LIFR: variants seen among roughly 807,000 people sequenced by gnomAD.
LIFR encodes the protein leukemia inhibitory factor receptor.
A neutral mutation model predicts 122.2 loss-of-function variants in LIFR; 84 were observed. That is an observed-to-expected ratio of 0.69 (90% CI 0.58 to 0.82). The LOEUF is 0.82. Among genes scored for constraint, LIFR ranks in the 40% least tolerant of loss-of-function variants. The pLI is 0.00. For synonymous variants in LIFR, 422 were observed against 434.7 expected (o/e 0.97, Z 0.36); for missense variants, 1,294 against 1,311.6 (o/e 0.99, Z 0.21).
In LIFR at chr5:38,527,269, T is replaced by C. The variant is rs759198703; in HGVS notation, c.283A>G (p.Lys95Glu). Residue 95 changes from lysine to glutamate, a missense_variant, in exon 4 of 20, where the codon AAA (lysine) becomes GAA (glutamate). Physicochemically the swap from Lys to Glu is moderately conservative, Grantham distance 56. Transcript: ENST00000453190. Reference protein sequence around the residue: ...NRSRSCYQLEKTSIKIPALSH... With the variant: ...NRSRSCYQLEETSIKIPALSH... ...AGAGCTGGAATTTTAATACTGGTTTTCTCCAACTGATAACAAGAACGGGAC... is the reference window on the plus strand; with the variant it reads ...AGAGCTGGAATTTTAATACTGGTTTCCTCCAACTGATAACAAGAACGGGAC... 8 of 1,592,116 alleles carry C rather than the reference T, an allele frequency of 5.0e-6. No homozygotes were observed. In the East Asian group the frequency reaches 1.8e-4, roughly 36 times the overall value.
At chr5:38,531,667 C>A (rs1447959019) in intron 1 of LIFR, among the ~76,000 whole-genome samples, 14 of 150,786 alleles carry the variant, frequency 9.3e-5, no homozygotes, top group Non-Finnish European at 1.9e-4. Flanking sequence ...TCTTTCAGAA[C>A]AAAATACAAA....
At chr5:38,517,099 G>A (rs929774285) in intron 5 of LIFR, among the ~76,000 whole-genome samples, 18 of 152,012 alleles carry the variant, frequency 1.2e-4, no homozygotes, top group Admixed American at 2.6e-4. Flanking sequence ...GAGAAATACC[G>A]AATGTAGATG....
chr5:38,481,337 G>A lies in LIFR; in HGVS notation c.*258C>T, dbSNP rs1416081870. On this transcript the variant is annotated 3_prime_UTR_variant, in exon 20 of 20. Coordinates refer to ENST00000453190, the MANE Select transcript of LIFR (RefSeq NM_001127671.2). ...CCTTGAAATGCTTCTTGAAGGTAGAGTACATGAGAATTCTTTGGCTTGATC... is the reference window on the plus strand; with the variant it reads ...CCTTGAAATGCTTCTTGAAGGTAGAATACATGAGAATTCTTTGGCTTGATC... 2 of 544,544 alleles carry A rather than the reference G, an allele frequency of 3.7e-6. No homozygotes were observed. The highest frequency in any genetic ancestry group is 6.6e-6 in the Non-Finnish European group (2 of 302,780). The allele number at this position is 544,544 out of a possible 1,614,324, so 33.7% of individuals were successfully genotyped here.
At chr5:38,526,291 T>C (rs1183845752) in intron 4 of LIFR, among the ~76,000 whole-genome samples, 1 of 152,058 alleles carries the variant, frequency 6.6e-6, no homozygotes, top group Non-Finnish European at 1.5e-5. Context: ...ATTCCCAGCT[T>C]TTTTTTACAG....
At chr5:38,543,742 G>A (rs1580154531) in intron 1 of LIFR, among the ~76,000 whole-genome samples, 1 of 152,062 alleles carries the variant, frequency 6.6e-6, no homozygotes, top group Non-Finnish European at 1.5e-5. Flanking sequence ...CTCTCTTTCT[G>A]TACTCTTAAT....
At chr5:38,526,441 G>GTA (rs749550234) in intron 4 of LIFR, among the ~76,000 whole-genome samples, 70 of 134,568 alleles carry the variant, frequency 5.2e-4, no homozygotes, top group Middle Eastern at 3.9e-3. Flanking sequence ...GTGTGTGTGT[G>GTA]TATATATATA....
chr5:38,485,207 CCA>C (rs1744219066), intron 17 of LIFR, among the ~76,000 whole-genome samples: 1 of 152,170 alleles, frequency 6.6e-6, no homozygotes, highest in Non-Finnish European at 1.5e-5. Flanking sequence ...GCAGTATCCC[CCA>C]GTTATGACAA....
rs778581246 is a variant in LIFR, at chr5:38,528,842, TGGA to T, written c.143-5_143-3del. 252 of 1,452,696 alleles carry T rather than the reference TGGA, an allele frequency of 1.7e-4. 2 individuals carry two copies. Among genetic ancestry groups the T allele is most frequent in the Admixed American group, 1.0e-4 (5 of 49,954 alleles). 90.0% of individuals were successfully genotyped at this position (1,452,696 alleles called of 1,614,324 possible). A position where few individuals can be genotyped will look rare whatever the true frequency, so the allele number is the denominator to read the frequency against. On this transcript the variant is annotated splice_region_variant and splice_polypyrimidine_tract_variant and intron_variant, in intron 2 of 19. Transcript: ENST00000453190. Reference sequence around the variant, plus strand: ...CACACTTCAAATCATGAGGAGCCCCTGGAGGAGACACACACACACACACACACA... The same window carrying T: ...CACACTTCAAATCATGAGGAGCCCCTGGAGACACACACACACACACACACA...
At chr5:38,496,685 A>C in intron 12 of LIFR, 90 bp from the exon 13 acceptor site, 1 of 926,264 alleles carries the variant, frequency 1.1e-6, no homozygotes, top group Admixed American at 1.8e-5. Flanking sequence ...CACTATATTA[A>C]CAATAACAAG....
chr5:38,607,891 T>C (rs1359744720), intron 1 of LIFR: 29 of 152,204 alleles, frequency 1.9e-4, no homozygotes, highest in Non-Finnish European at 1.5e-5. Context: ...TTAGAGGTGG[T>C]TAGGACATGC....
chr5:38,506,485 T>A lies in LIFR; in HGVS notation c.1121+18A>T, dbSNP rs1164879754. On this transcript the variant is annotated intron_variant, in intron 8 of 19. Coordinates refer to ENST00000453190, the MANE Select transcript of LIFR (RefSeq NM_001127671.2). Reference sequence around the variant, plus strand: ...ACGTACTCCTTGCCATCTGACATCTTTTCCCAGTTATCATTACCTTTCAAC... The same window carrying A: ...ACGTACTCCTTGCCATCTGACATCTATTCCCAGTTATCATTACCTTTCAAC... 1.2e-6 allele frequency: 2 copies of A among 1,614,028 alleles called. No individual in the cohort carries two copies. The highest frequency in any genetic ancestry group is 4.5e-5 in the East Asian group (2 of 44,848).
At chr5:38,605,441 A>G (rs1750308643) in intron 2 of LIFR, among the ~76,000 whole-genome samples, 2 of 152,142 alleles carry the variant, frequency 1.3e-5, no homozygotes. Context: ...GGTGATAATC[A>G]CAGTACCCCT....
At chr5:38,602,760 T>TC (rs1750246133) in intron 2 of LIFR, among the ~76,000 whole-genome samples, 1 of 151,978 alleles carries the variant, frequency 6.6e-6, no homozygotes, top group African/African-American at 2.4e-5. Context: ...AAGGATCTTC[T>TC]TCCCCCACCC....
intron 7 of LIFR, 37 bp from the exon 8 acceptor site, chr5:38,506,669 A>G (rs377641347): frequency 2.1e-4 from 330 of 1,564,150 alleles, no homozygotes; most frequent in Non-Finnish European, 2.6e-4. Flanking sequence ...ATGATTACAT[A>G]TATTTTCCCT....
intron 1 of LIFR, among the ~76,000 whole-genome samples, chr5:38,590,627 T>C (rs530983737): frequency 2.0e-5 from 3 of 152,316 alleles, no homozygotes; most frequent in South Asian, 4.1e-4. Context: ...ACCGCCACCA[T>C]CATCATCATC....
intron 16 of LIFR, among the ~76,000 whole-genome samples, chr5:38,488,621 T>G (rs1042986444): frequency 6.6e-6 from 1 of 152,184 alleles, no homozygotes; most frequent in Non-Finnish European, 1.5e-5. Flanking sequence ...GTCAATTAAG[T>G]TTTCCAGCTT....
chr5:38,588,774 A>G (rs1341762607), intron 1 of LIFR, among the ~76,000 whole-genome samples: 3 of 152,252 alleles, frequency 2.0e-5, no homozygotes, highest in Non-Finnish European at 4.4e-5. Context: ...TAAAAGGCAC[A>G]TTACGATCTG....
At chr5:38,553,921 T>A (rs952787521) in intron 1 of LIFR, among the ~76,000 whole-genome samples, 6 of 151,744 alleles carry the variant, frequency 4.0e-5, no homozygotes, top group African/African-American at 1.2e-4. Flanking sequence ...AAAGCATCCA[T>A]CCCCTTAAAA....
chr5:38,601,361 C>G (rs1446911466), intron 2 of LIFR, among the ~76,000 whole-genome samples: 2 of 152,214 alleles, frequency 1.3e-5, no homozygotes, highest in African/African-American at 4.8e-5. Context: ...GCCACCCAGT[C>G]TGTGGTGTCT....
Sources: allele counts gnomAD v4.1 joint callset (sites outside exome capture counted in the v4.1 genomes callset), GRCh38; gene constraint gnomAD v4.1.1; transcripts MANE v1.5; gene names NCBI Gene and HGNC (gene_info 2026-07-23, HGNC 2026-07-21).